The following LNX1 variants were observed in gnomAD, a reference collection of about 807,000 sequenced individuals.
The protein encoded by LNX1 is E3 ubiquitin-protein ligase LNX.
LNX1 carries 54 observed loss-of-function variants against 68.4 expected under a neutral mutation model. The ratio of observed to expected loss-of-function variants is 0.79; its 90% CI spans 0.63 to 0.99. LNX1 has a LOEUF of 0.99. Among genes scored for constraint, LNX1 ranks in the 50% least tolerant of loss-of-function variants. LNX1 has a pLI of 0.00. For missense variants in LNX1, 906 were observed against 926.4 expected (o/e 0.98, Z 0.29); for synonymous variants, 336 against 350.0 (o/e 0.96, Z 0.45).
At chr4:53,488,666 G>T (rs1037301415) in intron 6 of LNX1, among the ~76,000 whole-genome samples, 5 of 152,070 alleles carry the variant, frequency 3.3e-5, no homozygotes, top group Non-Finnish European at 7.4e-5. Context: ...ATCGATTCCT[G>T]TCTTTACCTA....
intron 2 of LNX1, among the ~76,000 whole-genome samples, chr4:53,511,496 C>T (rs545824728): frequency 2.0e-5 from 3 of 152,254 alleles, no homozygotes; most frequent in South Asian, 2.1e-4. Flanking sequence ...ATACAAGGAA[C>T]ACAGAAAACC....
At chr4:53,488,590 G>A (rs987233593) in intron 6 of LNX1, among the ~76,000 whole-genome samples, 8 of 152,194 alleles carry the variant, frequency 5.3e-5, no homozygotes, top group African/African-American at 1.2e-4. Flanking sequence ...CATTAATGGC[G>A]TTTCAATTTT....
upstream of LNX1, among the ~76,000 whole-genome samples, chr4:53,593,284 A>C (rs1363452119): frequency 6.6e-6 from 1 of 152,234 alleles, no homozygotes. Flanking sequence ...ATCATCTAGA[A>C]GGCCACGCCT....
At chr4:53,558,578 G>A (rs913724059) in intron 2 of LNX1, among the ~76,000 whole-genome samples, 8 of 152,194 alleles carry the variant, frequency 5.3e-5, no homozygotes, top group Non-Finnish European at 8.8e-5. Context: ...TGAAAGAGAT[G>A]TGACAGTGAC....
chr4:53,584,839 C>T (rs1732065823), intron 1 of LNX1, among the ~76,000 whole-genome samples: 1 of 152,210 alleles, frequency 6.6e-6, no homozygotes, highest in East Asian at 1.9e-4. Context: ...TTTCAAATAG[C>T]TAGTGCTTCC....
chr4:53,475,573 C>T lies in LNX1; in HGVS notation c.1892+1180G>A, dbSNP rs542012155. Among the ~76,000 whole-genome samples the T allele has an allele frequency of 1.9e-4, 29 of 152,272 alleles. No homozygotes were observed. In the South Asian group the frequency reaches 5.8e-3, roughly 30 times the overall value. On this transcript the variant is annotated intron_variant, in intron 9 of 10. Coordinates refer to ENST00000263925, the MANE Select transcript of LNX1 (RefSeq NM_001126328.3). ...TCAAGAAAAACGTACTAAAACTAAA[C>T]GTCTCACTTTCATTTTTCCATATTT...
chr4:53,621,735 G>A (rs1733887039), upstream of LNX1, among the ~76,000 whole-genome samples: 1 of 152,138 alleles, frequency 6.6e-6, no homozygotes, highest in African/African-American at 2.4e-5. Flanking sequence ...TTATATTATG[G>A]TTTCTCATTA....
chr4:53,616,064 A>G (rs1275564598), intron 2 of LNX1, among the ~76,000 whole-genome samples: 3 of 151,716 alleles, frequency 2.0e-5, no homozygotes, highest in African/African-American at 7.3e-5. Flanking sequence ...TCCTTCCAAG[A>G]CTCTTGTAAC....
At chr4:53,573,586 G>C in intron 2 of LNX1, 37 bp downstream of exon 2, 15 of 1,474,114 alleles carry the variant, frequency 1.0e-5, no homozygotes, top group Non-Finnish European at 1.3e-5. Context: ...GTCCCGCTTG[G>C]GGGTGGGACT....
intron 7 of LNX1, 26 bp from the exon 8 acceptor site, chr4:53,478,768 G>A (rs1203596551): frequency 6.3e-7 from 1 of 1,597,058 alleles, no homozygotes; most frequent in Admixed American, 1.7e-5. Flanking sequence ...GAAAAACATG[G>A]CACATGAATT....
chr4:53,607,877 T>C (rs1311011745), intron 2 of LNX1, among the ~76,000 whole-genome samples: 3 of 152,202 alleles, frequency 2.0e-5, no homozygotes. Flanking sequence ...AAGGACTCCC[T>C]ATTCAAAAAA....
At chr4:53,512,863 G>C (rs1726457851) in intron 2 of LNX1, among the ~76,000 whole-genome samples, 1 of 152,102 alleles carries the variant, frequency 6.6e-6, no homozygotes, top group African/African-American at 2.4e-5. Flanking sequence ...CAGGCTGGGA[G>C]ACTGTGCTGT....
At chr4:53,609,214 T>C (rs758133667) in intron 2 of LNX1, among the ~76,000 whole-genome samples, 4 of 151,906 alleles carry the variant, frequency 2.6e-5, no homozygotes, top group African/African-American at 4.8e-5. Flanking sequence ...ACAAAACCCC[T>C]GTGACATGCA....
chr4:53,630,766 C>T (rs1388120660), intron 1 of LNX1, among the ~76,000 whole-genome samples: 1 of 152,174 alleles, frequency 6.6e-6, no homozygotes, highest in Non-Finnish European at 1.5e-5. Flanking sequence ...AATGTTGTCA[C>T]CAGAGGATCA....
At chr4:53,609,755 AATATACTATTATATATT>A (rs1157955966) in intron 2 of LNX1, among the ~76,000 whole-genome samples, 6 of 143,368 alleles carry the variant, frequency 4.2e-5, no homozygotes, top group South Asian at 2.1e-4. Flanking sequence ...TATTATATAT[AATATACTATTATATATT>A]ATATATAATA....
intron 2 of LNX1, among the ~76,000 whole-genome samples, chr4:53,568,434 T>C (rs1220453905): frequency 4.6e-5 from 7 of 152,132 alleles, no homozygotes; most frequent in African/African-American, 1.7e-4. Context: ...AGGCCTTTGA[T>C]AAAATTCAAC....
At position 53,517,024 on chromosome 4, in the gene LNX1, T is replaced by C. The variant is rs553968348; in HGVS notation, c.381-8797A>G. 3.3e-5 allele frequency among the ~76,000 whole-genome samples: 5 copies of C among 152,346 alleles called. No homozygotes were observed. In the South Asian group the frequency reaches 1.0e-3, roughly 32 times the overall value. On this transcript the variant is annotated intron_variant, in intron 2 of 10. Coordinates refer to ENST00000263925, the MANE Select transcript of LNX1 (RefSeq NM_001126328.3). ...TGGTTTGTTTTCTCCCAGCAGAATA[T>C]AGATAGCTTCCATGGGAGTAAACGT...
At chr4:53,563,987 G>C (rs1396614788) in intron 2 of LNX1, among the ~76,000 whole-genome samples, 1 of 152,250 alleles carries the variant, frequency 6.6e-6, no homozygotes, top group African/African-American at 2.4e-5. Context: ...GGAGGCTTGA[G>C]AGCATGTGTT....
chr4:53,557,724 C>T (rs188527288), intron 2 of LNX1: 5 of 803,008 alleles, frequency 6.2e-6, no homozygotes, highest in East Asian at 3.0e-5. Flanking sequence ...CTAAGCATGC[C>T]GTTTTAAACT....
Sources: allele counts gnomAD v4.1 joint callset (sites outside exome capture counted in the v4.1 genomes callset), GRCh38; gene constraint gnomAD v4.1.1; transcripts MANE v1.5; gene names NCBI Gene and HGNC (gene_info 2026-07-23, HGNC 2026-07-21).